Variants in CEMIP2 observed in about 807,000 individuals in gnomAD.
The protein encoded by CEMIP2 is cell surface hyaluronidase CEMIP2.
A neutral mutation model predicts 146.9 loss-of-function variants in CEMIP2; 79 were observed. The ratio of observed to expected loss-of-function variants is 0.54; its 90% CI spans 0.45 to 0.65. The LOEUF (loss-of-function observed/expected upper bound fraction) is 0.65, where lower values mean the gene tolerates loss of function less well. CEMIP2 is among the 30% of genes least tolerant of loss of function. CEMIP2 has a pLI of 0.00. For missense variants in CEMIP2, 1,596 were observed against 1,696.2 expected (o/e 0.94, Z 1.04); for synonymous variants, 601 against 606.3 (o/e 0.99, Z 0.13).
rs934247416 is a variant in CEMIP2 at position 71,765,592 on chromosome 9, C to T, written c.-13+2765G>A. 3.3e-5 allele frequency among the ~76,000 whole-genome samples: 5 copies of T among 152,146 alleles called. No individual in the cohort carries two copies. In the East Asian group the frequency reaches 7.7e-4, roughly 23 times the overall value. ...TAGTTTTCAGTCCCTACTATTTTGT[C>T]TGATTTAACAAATTTTATTTCTCAC... On this transcript the variant is annotated intron_variant, in intron 1 of 23. Transcript: ENST00000377044.
At position 71,684,933 on chromosome 9, in the gene CEMIP2, C is replaced by T. The variant is rs560105677; in HGVS notation, c.*264G>A. 27 of 393,064 alleles carry T rather than the reference C, an allele frequency of 6.9e-5. No individual in the cohort carries two copies. Among genetic ancestry groups the T allele is most frequent in the South Asian group, 4.5e-4 (6 of 13,254 alleles). The allele number at this position is 393,064 out of a possible 1,614,324, so 24.3% of individuals were successfully genotyped here. A position where few individuals can be genotyped will look rare whatever the true frequency, so the allele number is the denominator to read the frequency against. On this transcript the variant is annotated 3_prime_UTR_variant, in exon 24 of 24. Coordinates refer to ENST00000377044, the MANE Select transcript of CEMIP2 (RefSeq NM_013390.3). ...CATTGCTCATGGTCATTACAAAATA[C>T]GGGGGTGGAAAGTGAGGAATAAGAG...
chr9:71,689,195 G>A (rs74805036), intron 22 of CEMIP2, among the ~76,000 whole-genome samples: 1 of 152,086 alleles, frequency 6.6e-6, no homozygotes, highest in Non-Finnish European at 1.5e-5. Context: ...AAGACAGAAC[G>A]ACATATATAC....
In CEMIP2 at chr9:71,688,859, G is replaced by A. The variant is rs533128790; in HGVS notation, c.3851+1233C>T. 2.6e-5 allele frequency among the ~76,000 whole-genome samples: 4 copies of A among 152,308 alleles called. No homozygotes were observed. The South Asian group carries it at 6.2e-4, about 24-fold the overall frequency. Reference sequence around the variant, plus strand: ...AGACACGTGCTCAGTCTCCCTAGAAGTCACTGCCAGTTGCTCCATACCTTC... The same window carrying A: ...AGACACGTGCTCAGTCTCCCTAGAAATCACTGCCAGTTGCTCCATACCTTC... On this transcript the variant is annotated intron_variant, in intron 22 of 23. Transcript: ENST00000377044.
In CEMIP2 at chr9:71,745,411, A is replaced by G; in HGVS notation, c.641T>C (p.Met214Thr). 2 of 1,614,158 alleles carry G rather than the reference A, an allele frequency of 1.2e-6. No homozygotes were observed. The highest frequency in any genetic ancestry group is 1.7e-6 in the Non-Finnish European group (2 of 1,180,016). ...AATAAACTTTTTGCCAAATGTTGGC[A>G]TACTTTCACCTTCATCTGACTTGCC... The part of the protein sequence containing the change: ...LYGKSDEGES[M>T]PTFGKKFIGV... The change falls in exon 4 of 24, where the codon ATG (methionine) becomes ACG (threonine). Residue 214 changes from methionine to threonine, a missense_variant. By Grantham distance (81) the Met-to-Thr change is moderately conservative. Transcript: ENST00000377044.
In CEMIP2 at chr9:71,690,263, A is replaced by ATCT. The variant is rs756471230; in HGVS notation, c.3697-20_3697-18dup. ...GCCATTGACCTGAGAATGCAAAAAC[A>ATCT]TCTTCTGCTGTCATCATCATTTTGA... On this transcript the variant is annotated splice_polypyrimidine_tract_variant and intron_variant, in intron 21 of 23. Transcript: ENST00000377044. 3.5e-5 allele frequency: 57 copies of ATCT among 1,612,222 alleles called. No homozygotes were observed. The South Asian group carries it at 6.2e-4, about 17-fold the overall frequency.
At chr9:71,703,005 G>A (rs190167946) in intron 18 of CEMIP2, among the ~76,000 whole-genome samples, 8 of 152,250 alleles carry the variant, frequency 5.3e-5, no homozygotes, top group Admixed American at 2.6e-4. Context: ...CATCCTCTCT[G>A]ACAATTGTTT....
intron 12 of CEMIP2, among the ~76,000 whole-genome samples, chr9:71,722,225 A>G (rs1281188521): frequency 1.3e-5 from 2 of 152,138 alleles, no homozygotes; most frequent in Non-Finnish European, 2.9e-5. Context: ...AAAAACATCA[A>G]CCTCTTTAGT....
chr9:71,768,778 GT>G (rs1824882222), upstream of CEMIP2: 1 of 152,358 alleles, frequency 6.6e-6, no homozygotes, highest in African/African-American at 2.4e-5. Flanking sequence ...GCGGGGCAGA[GT>G]GGGGTCCCAG....
At position 71,730,173 on chromosome 9, in the gene CEMIP2, G is replaced by A; in HGVS notation, c.1854C>T (p.Phe618=). Residue 618 remains phenylalanine (F), a synonymous_variant, in exon 9 of 24, where the codon TTC becomes TTT. Coordinates refer to ENST00000377044, the MANE Select transcript of CEMIP2 (RefSeq NM_013390.3). ...EDGIEQRNTL[F]HNLGLLTKPG... ...GCTTGGTGAGGAGTCCCAGATTGTGGAACAAAGTATTCCTCTGTTCAATAC... is the reference window on the plus strand; with the variant it reads ...GCTTGGTGAGGAGTCCCAGATTGTGAAACAAAGTATTCCTCTGTTCAATAC... The A allele has an allele frequency of 6.2e-7, 1 of 1,614,100 alleles. No homozygotes were observed. The highest frequency in any genetic ancestry group is 8.5e-7 in the Non-Finnish European group (1 of 1,180,028).
intron 1 of CEMIP2, among the ~76,000 whole-genome samples, chr9:71,752,020 A>T (rs976770917): frequency 1.3e-5 from 2 of 152,188 alleles, no homozygotes; most frequent in Non-Finnish European, 2.9e-5. Context: ...TATGTGTATT[A>T]ATTCATTTAA....
At chr9:71,711,765 C>T (rs1157320777) in intron 16 of CEMIP2, among the ~76,000 whole-genome samples, 1 of 152,120 alleles carries the variant, frequency 6.6e-6, no homozygotes, top group Non-Finnish European at 1.5e-5. Context: ...ACCCAACCAG[C>T]GTATTTCACT....
intron 10 of CEMIP2, among the ~76,000 whole-genome samples, 191 bp downstream of exon 10, chr9:71,729,654 G>A (rs140346084): frequency 1.7e-4 from 26 of 151,554 alleles, no homozygotes; most frequent in African/African-American, 5.1e-4. Flanking sequence ...AGATACTAAC[G>A]GGCACAAAGA....
chr9:71,720,266 G>A (rs1823196000), intron 12 of CEMIP2, among the ~76,000 whole-genome samples: 2 of 152,068 alleles, frequency 1.3e-5, no homozygotes, highest in South Asian at 4.1e-4. Context: ...GAAGACACAA[G>A]GAAAGGCTTA....
rs2131840155 is a variant in CEMIP2, at chr9:71,684,707, A to G, written c.*490T>C. ...CCACTTAAAACTGTCATTCAATATC[A>G]TAGAAAATCCTCAAAGGCTGCCCAG... On this transcript the variant is annotated 3_prime_UTR_variant, in exon 24 of 24. Transcript: ENST00000377044. 6.5e-6 allele frequency: 1 copy of G among 153,554 alleles called. No homozygotes were observed. The highest frequency in any genetic ancestry group is 2.4e-5 in the African/African-American group (1 of 41,618). The allele number at this position is 153,554 out of a possible 1,614,324, so 9.5% of individuals were successfully genotyped here.
At chr9:71,711,153 A>T (rs1822893449) in intron 16 of CEMIP2, among the ~76,000 whole-genome samples, 1 of 152,202 alleles carries the variant, frequency 6.6e-6, no homozygotes, top group South Asian at 2.1e-4. Context: ...GGGTACAGGT[A>T]ATACTGGTGA....
rs1452617427 is a variant in CEMIP2 at position 71,730,047 on chromosome 9, CAT to C, written c.1978_1979del (p.Met660GlyfsTer13). ...NYIPVPATDC[M>X]AVSTFWIAHP... ...GGTTTTTCTCTCCGCCAATTACTCACATACAGTCAGTAGCAGGCACAGGAATG... is the reference window on the plus strand; with the variant it reads ...GGTTTTTCTCTCCGCCAATTACTCACACAGTCAGTAGCAGGCACAGGAATG... On this transcript the variant is annotated frameshift_variant and splice_region_variant, in exon 9 of 24. Coordinates refer to ENST00000377044, the MANE Select transcript of CEMIP2 (RefSeq NM_013390.3). LOFTEE classifies it high-confidence loss of function. The C allele has an allele frequency of 6.2e-7, 1 of 1,614,200 alleles. No homozygotes were observed. The highest frequency in any genetic ancestry group is 1.7e-5 in the Admixed American group (1 of 60,034).
chr9:71,765,045 T>C (rs923704), intron 1 of CEMIP2, among the ~76,000 whole-genome samples: 37,380 of 151,884 alleles, frequency 0.25, 4,820 homozygotes, highest in South Asian at 0.33. Context: ...ACCTTTTCAA[T>C]TGATGTACTG....
At position 71,752,972 on chromosome 9, in the gene CEMIP2, A is replaced by T. The variant is rs934001303; in HGVS notation, c.-12-2587T>A. Among the ~76,000 whole-genome samples, 3 of 152,232 alleles carry T rather than the reference A, an allele frequency of 2.0e-5. No homozygotes were observed. In the East Asian group the frequency reaches 5.8e-4, roughly 29 times the overall value. On this transcript the variant is annotated intron_variant, in intron 1 of 23. Coordinates refer to ENST00000377044, the MANE Select transcript of CEMIP2 (RefSeq NM_013390.3). ...ATTATTTAGATGAAGCTCAAGCTTCATGACAAAAGAAAAACACCACCATTC... is the reference window on the plus strand; with the variant it reads ...ATTATTTAGATGAAGCTCAAGCTTCTTGACAAAAGAAAAACACCACCATTC...
chr9:71,728,023 T>G (rs901010026), intron 10 of CEMIP2, among the ~76,000 whole-genome samples: 4 of 151,574 alleles, frequency 2.6e-5, no homozygotes, highest in Non-Finnish European at 5.9e-5. Context: ...ATTGCGCCAC[T>G]GCACTCCAGC....
Sources: allele counts gnomAD v4.1 joint callset (sites outside exome capture counted in the v4.1 genomes callset), GRCh38; gene constraint gnomAD v4.1.1; transcripts MANE v1.5; gene names NCBI Gene and HGNC (gene_info 2026-07-23, HGNC 2026-07-21).